Variants in RBL1 observed in about 807,000 individuals in gnomAD.
RBL1 encodes the protein RB transcriptional corepressor like 1.
In RBL1, 82 loss-of-function variants were observed where a neutral mutation model predicts 123.0. The observed-to-expected ratio is 0.67, with a 90% CI of 0.56 to 0.80. The LOEUF is 0.80. RBL1 is among the 30% of genes least tolerant of loss of function. The pLI is 0.00. For synonymous variants in RBL1, 405 were observed against 441.3 expected, an observed-to-expected ratio of 0.92 and a Z score of 1.03; for missense variants, 1,171 against 1,299.6, an observed-to-expected ratio of 0.90 and a Z score of 1.52.
At chr20:37,033,385 A>G (rs1181733357) in intron 15 of RBL1, among the ~76,000 whole-genome samples, 2 of 151,480 alleles carry the variant, frequency 1.3e-5, no homozygotes, top group Admixed American at 6.6e-5. Context: ...GGGTTTCACC[A>G]TGTTAGCCAG....
intron 16 of RBL1, among the ~76,000 whole-genome samples, chr20:37,028,677 G>A (rs947096159): frequency 6.6e-6 from 1 of 152,134 alleles, no homozygotes; most frequent in Admixed American, 6.6e-5. Context: ...TAACACAAAA[G>A]AGTTTCAGTA....
intron 15 of RBL1, 46 bp downstream of exon 15, chr20:37,035,196 A>G (rs781744158): frequency 5.9e-6 from 9 of 1,528,318 alleles, no homozygotes; most frequent in Non-Finnish European, 7.1e-6. Flanking sequence ...CATTTCTTAA[A>G]TTTTTATCTC....
At chr20:37,022,610 A>G (rs547463395) in intron 17 of RBL1, 40 bp downstream of exon 17, 2 of 1,555,140 alleles carry the variant, frequency 1.3e-6, no homozygotes, top group East Asian at 4.5e-5. Flanking sequence ...TATACGTGTG[A>G]GCCACCATGC....
At chr20:37,060,718 G>C (rs1186524149) in intron 9 of RBL1, among the ~76,000 whole-genome samples, 2 of 152,008 alleles carry the variant, frequency 1.3e-5, no homozygotes, top group African/African-American at 4.8e-5. Context: ...AGGAGGTGGA[G>C]GCTGCAGTGA....
intron 6 of RBL1, 52 bp downstream of exon 6, chr20:37,066,672 A>G: frequency 6.6e-7 from 1 of 1,513,396 alleles, no homozygotes; most frequent in Non-Finnish European, 9.0e-7. Context: ...TTTTCTTTTC[A>G]CATTACTGGT....
intron 11 of RBL1, among the ~76,000 whole-genome samples, chr20:37,053,471 G>A (rs959579543): frequency 2.0e-5 from 3 of 152,154 alleles, no homozygotes; most frequent in African/African-American, 7.2e-5. Context: ...ATGGTGTCCT[G>A]ACTAGGGTTG....
chr20:37,035,636 G>T, intron 14 of RBL1, 128 bp from the exon 15 acceptor site: 1 of 793,824 alleles, frequency 1.3e-6, no homozygotes, highest in Non-Finnish European at 1.9e-6. Context: ...CATGGCCTTT[G>T]CCCTCATGGA....
In RBL1 at chr20:37,007,457, A is replaced by C; in HGVS notation, c.2825T>G (p.Val942Gly). Residue 942 changes from valine to glycine, a missense_variant, in exon 20 of 22, where the codon GTG becomes GGG. By Grantham distance (109) the Val-to-Gly change is moderately radical. Transcript: ENST00000373664. ...GTCGTATTTCAGTGCAAATGACTTCACTCTTCCTACATATATTGTATTGTA... is the reference window on the plus strand; with the variant it reads ...GTCGTATTTCAGTGCAAATGACTTCCCTCTTCCTACATATATTGTATTGTA... ...KFYNTIYVGR[V>G]KSFALKYDLA... is the part of the protein sequence containing the mutation. The C allele has an allele frequency of 6.2e-7, 1 of 1,613,704 alleles. No homozygotes were observed. Among genetic ancestry groups the C allele is most frequent in the Non-Finnish European group, 8.5e-7 (1 of 1,179,866 alleles).
chr20:37,018,171 AC>A, intron 19 of RBL1, 107 bp downstream of exon 19: 1 of 1,219,132 alleles, frequency 8.2e-7, no homozygotes. Context: ...TGCATTGTCC[AC>A]CTCACCTCCT....
chr20:37,061,525 G>A (rs1050107058), intron 8 of RBL1, among the ~76,000 whole-genome samples: 2 of 152,098 alleles, frequency 1.3e-5, no homozygotes, highest in Non-Finnish European at 2.9e-5. Context: ...TGAGGAAATA[G>A]GAACAGAGAA....
At position 37,065,459 on chromosome 20, in the gene RBL1, T is replaced by A. The variant is rs1196252616; in HGVS notation, c.861A>T (p.Glu287Asp). The change falls in exon 7 of 22, where the codon GAA becomes GAT. Residue 287 changes from glutamate (E) to aspartate (D), a missense_variant. Glu to Asp is a conservative substitution (Grantham distance 45). Coordinates refer to ENST00000373664, the MANE Select transcript of RBL1 (RefSeq NM_002895.5). The part of the protein sequence containing the change: ...KLFDRKILKG[E>D]CLLDLSSFTD... The stretch of plus-strand genomic sequence containing the variant: ...TAAAACTTGAAAGGTCCAGGAGGCA[T>A]TCTCCTTTTAATATCTGTGAACAAA... The A allele has an allele frequency of 6.3e-7, 1 of 1,597,542 alleles. No homozygotes were observed. Among genetic ancestry groups the A allele is most frequent in the Admixed American group, 1.7e-5 (1 of 59,404 alleles).
intron 19 of RBL1, among the ~76,000 whole-genome samples, chr20:37,013,157 T>C (rs564885329): frequency 3.9e-5 from 6 of 152,038 alleles, no homozygotes; most frequent in African/African-American, 1.4e-4. Context: ...GGGGGAAAGG[T>C]GGGGAAAAGA....
chr20:37,074,286 C>T (rs1228290839), intron 2 of RBL1, among the ~76,000 whole-genome samples: 1 of 151,630 alleles, frequency 6.6e-6, no homozygotes, highest in African/African-American at 2.4e-5. Context: ...TGGTGGCATG[C>T]ACCTGTGATC....
At chr20:37,035,599 T>C (rs1023293942) in intron 14 of RBL1, 91 bp from the exon 15 acceptor site, 2 of 1,123,278 alleles carry the variant, frequency 1.8e-6, no homozygotes, top group African/African-American at 3.2e-5. Flanking sequence ...GAGTTACTTA[T>C]GCTGGGCACT....
At chr20:37,020,795 T>C in intron 17 of RBL1, 65 bp from the exon 18 acceptor site, 6 of 1,131,408 alleles carry the variant, frequency 5.3e-6, no homozygotes, top group Middle Eastern at 2.0e-4. Flanking sequence ...TGAACAAAAC[T>C]TCAATTATAA....
chr20:37,033,247 G>A lies in RBL1; in HGVS notation c.2171-371C>T, dbSNP rs1236831069. Among the ~76,000 whole-genome samples, 16 of 150,250 alleles carry A rather than the reference G, an allele frequency of 1.1e-4. No individual in the cohort carries two copies. In the Admixed American group the frequency reaches 1.1e-3, roughly 10 times the overall value. ...GTCGCCCAGGCTGGAGTGCAGTGGC[G>A]TGATCTCGGCTCACTGCAACCTCTG... On this transcript the variant is annotated intron_variant, in intron 15 of 21. Transcript: ENST00000373664.
intron 2 of RBL1, 141 bp from the exon 3 acceptor site, chr20:37,068,327 A>C: frequency 7.8e-7 from 1 of 1,277,650 alleles, no homozygotes; most frequent in Non-Finnish European, 1.0e-6. Context: ...CCCCATCTCT[A>C]CAAAAATTTA....
chr20:37,067,605 C>A (rs1366831853), intron 3 of RBL1, among the ~76,000 whole-genome samples: 1 of 151,418 alleles, frequency 6.6e-6, no homozygotes, highest in Non-Finnish European at 1.5e-5. Flanking sequence ...CTGGTCTCTA[C>A]TAAAAATACA....
rs148823208 is a variant in RBL1, at chr20:37,050,652, A to G, written c.1468-3462T>C. On this transcript the variant is annotated intron_variant, in intron 11 of 21. Coordinates refer to ENST00000373664, the MANE Select transcript of RBL1 (RefSeq NM_002895.5). Reference sequence around the variant, plus strand: ...ATTCAGAAGGTCCATCATCTGAAAAATGAAAGTTCCAGAAAGATAAATCAG... The same window carrying G: ...ATTCAGAAGGTCCATCATCTGAAAAGTGAAAGTTCCAGAAAGATAAATCAG... Among the ~76,000 whole-genome samples the G allele has an allele frequency of 2.1e-3, 315 of 152,016 alleles. 2 individuals are homozygous for G. The highest frequency in any genetic ancestry group is 7.1e-3 in the African/African-American group (294 of 41,516).
Sources: allele counts gnomAD v4.1 joint callset (sites outside exome capture counted in the v4.1 genomes callset), GRCh38; gene constraint gnomAD v4.1.1; transcripts MANE v1.5; gene names NCBI Gene and HGNC (gene_info 2026-07-23, HGNC 2026-07-21).